Variants in HELLS observed in about 807,000 individuals in gnomAD.
HELLS encodes the protein lymphoid-specific helicase.
HELLS carries 32 observed loss-of-function variants against 120.0 expected under a neutral mutation model. The ratio of observed to expected loss-of-function variants is 0.27; its 90% CI spans 0.20 to 0.36. The LOEUF is 0.36. HELLS is among the 10% of genes least tolerant of loss of function. The pLI is 1.00. For missense variants in HELLS, 650 were observed against 993.4 expected (o/e 0.65, Z 4.65); for synonymous variants, 341 against 323.4 (o/e 1.05, Z -0.58).
chr10:94,579,112 A>T (rs916628870), intron 10 of HELLS, among the ~76,000 whole-genome samples: 2 of 152,140 alleles, frequency 1.3e-5, no homozygotes, highest in African/African-American at 4.8e-5. Context: ...CTTTACAGTA[A>T]AAGTAATATA....
intron 9 of HELLS, chr10:94,608,056 C>CTA: frequency 4.9e-6 from 1 of 203,886 alleles, no homozygotes; most frequent in South Asian, 6.0e-5. Context: ...CTACAAAGCC[C>CTA]TAATTTTTAC....
intron 4 of HELLS, among the ~76,000 whole-genome samples, chr10:94,561,804 C>T (rs1425221613): frequency 6.6e-6 from 1 of 151,968 alleles, no homozygotes. Flanking sequence ...TCTTACCTTC[C>T]TCACTAATAA....
intron 15 of HELLS, among the ~76,000 whole-genome samples, chr10:94,591,616 T>A (rs575822253): frequency 1.3e-5 from 2 of 152,184 alleles, no homozygotes; most frequent in Non-Finnish European, 1.5e-5. Flanking sequence ...TTCACTTCCC[T>A]CAGTTATGAC....
chr10:94,580,162 T>TACATAC (rs1844785939), intron 10 of HELLS, among the ~76,000 whole-genome samples: 1 of 47,600 alleles, frequency 2.1e-5, no homozygotes, highest in South Asian at 6.5e-4. Context: ...TATATATATA[T>TACATAC]ACACACACAC....
chr10:94,597,941 G>C (rs954021763), intron 21 of HELLS, among the ~76,000 whole-genome samples: 7 of 151,640 alleles, frequency 4.6e-5, no homozygotes, highest in Non-Finnish European at 1.0e-4. Context: ...TTATTAGCTG[G>C]GTTATTTAAG....
At chr10:94,561,674 C>G (rs1487841091) in intron 4 of HELLS, among the ~76,000 whole-genome samples, 2 of 151,976 alleles carry the variant, frequency 1.3e-5, no homozygotes, top group Admixed American at 1.3e-4. Flanking sequence ...GCTTTGTTGC[C>G]CAAGCTGGTC....
chr10:94,578,085 A>G (rs1314672945), intron 10 of HELLS, among the ~76,000 whole-genome samples: 5 of 151,228 alleles, frequency 3.3e-5, no homozygotes, highest in Non-Finnish European at 7.4e-5. Context: ...AAAAAAAAAA[A>G]AAAAAAAAAA....
intron 2 of HELLS, among the ~76,000 whole-genome samples, chr10:94,548,748 C>T (rs961993199): frequency 3.9e-5 from 6 of 152,112 alleles, no homozygotes; most frequent in African/African-American, 1.4e-4. Flanking sequence ...AATCCCAGCA[C>T]TTTGGGAGGC....
intron 9 of HELLS, 53 bp from the exon 10 acceptor site, chr10:94,576,609 A>G (rs900205191): frequency 8.4e-6 from 8 of 947,018 alleles, no homozygotes; most frequent in Non-Finnish European, 1.1e-5. Context: ...CTAAATAGTC[A>G]ATATTTACAT....
rs1178925023 is a variant in HELLS at position 94,601,605 on chromosome 10, C to A, written c.2500C>A (p.Pro834Thr). ...KILENSEDSS[P>T]ECLF ...ATTAGAAAATTCTGAAGATTCCAGT[C>A]CTGAATGTTTGTTTTAAAGTGGAGC... is the stretch of plus-strand genomic sequence containing the variant. The change falls in exon 22 of 22, where the codon CCT becomes ACT. Residue 834 changes from proline (P) to threonine (T), a missense_variant. Transcript: ENST00000348459. The A allele has an allele frequency of 3.2e-6, 5 of 1,562,722 alleles. No homozygotes were observed. The South Asian group carries it at 5.7e-5, about 18-fold the overall frequency.
intron 12 of HELLS, chr10:94,584,097 A>T: frequency 7.2e-7 from 1 of 1,395,086 alleles, no homozygotes; most frequent in Non-Finnish European, 9.5e-7. Context: ...GAAAATACTT[A>T]TTTACTCAAG....
intron 15 of HELLS, among the ~76,000 whole-genome samples, chr10:94,591,015 A>G (rs150813207): frequency 0.01 from 1,570 of 152,182 alleles, 21 homozygotes; most frequent in African/African-American, 0.035. Flanking sequence ...TTTATTTTTT[A>G]TAGAGACAGG....
chr10:94,558,000 G>A (rs1218270465), intron 3 of HELLS, 139 bp from the exon 4 acceptor site: 5 of 1,132,036 alleles, frequency 4.4e-6, no homozygotes, highest in African/African-American at 3.2e-5. Context: ...AAGGCTTGAA[G>A]TACAAGTTCC....
chr10:94,583,373 A>G (rs1844968188), intron 12 of HELLS, among the ~76,000 whole-genome samples: 7 of 152,156 alleles, frequency 4.6e-5, no homozygotes, highest in Admixed American at 4.6e-4. Context: ...TTTATAATTT[A>G]CATCCTTGCA....
At chr10:94,548,222 G>A (rs1454499250) in intron 2 of HELLS, among the ~76,000 whole-genome samples, 1 of 152,052 alleles carries the variant, frequency 6.6e-6, no homozygotes, top group African/African-American at 2.4e-5. Context: ...TGATAAAATG[G>A]TATTTTATAA....
intron 12 of HELLS, chr10:94,584,265 C>G: frequency 2.5e-6 from 1 of 392,572 alleles, no homozygotes; most frequent in Non-Finnish European, 4.5e-6. Flanking sequence ...TTTATAATAA[C>G]TATATGTTAA....
intron 9 of HELLS, among the ~76,000 whole-genome samples, chr10:94,608,315 C>T (rs549525292): frequency 3.9e-5 from 6 of 152,238 alleles, no homozygotes; most frequent in Admixed American, 1.3e-4. Context: ...TATCCTTTAG[C>T]CTAATTATAG....
At chr10:94,546,541 A>T (rs1259835745) in intron 2 of HELLS, 43 bp downstream of exon 2, 3 of 1,611,320 alleles carry the variant, frequency 1.9e-6, no homozygotes, top group Non-Finnish European at 1.7e-6. Flanking sequence ...GCCTGTGGTA[A>T]CCTCGGCTTT....
intron 13 of HELLS, among the ~76,000 whole-genome samples, chr10:94,590,204 C>T (rs1297924448): frequency 4.6e-5 from 7 of 152,094 alleles, no homozygotes. Flanking sequence ...GTTTTATACA[C>T]CCTTCATTTT....
Sources: gnomAD v4.1 joint callset for allele counts (sites outside exome capture counted in the v4.1 genomes callset) on GRCh38, gnomAD v4.1.1 for gene constraint, MANE v1.5 for transcripts, NCBI Gene and HGNC (gene_info 2026-07-23, HGNC 2026-07-21) for gene names.